CYFIP1: variants seen among roughly 807,000 people sequenced by gnomAD.
CYFIP1 encodes cytoplasmic FMR1-interacting protein 1.
In CYFIP1, 58 loss-of-function variants were observed where a neutral mutation model predicts 163.5. That is an observed-to-expected ratio of 0.35 (90% CI 0.29 to 0.44). The LOEUF (loss-of-function observed/expected upper bound fraction) is 0.44. Among genes scored for constraint, CYFIP1 ranks in the 20% least tolerant of loss-of-function variants. The pLI, the probability that CYFIP1 is intolerant of heterozygous loss-of-function variation, is 1.00. For synonymous variants in CYFIP1, 663 were observed against 660.7 expected, an observed-to-expected ratio of 1.00 and a Z score of -0.05; for missense variants, 1,338 against 1,653.8, an observed-to-expected ratio of 0.81 and a Z score of 3.31.
intron 3 of CYFIP1, chr15:22,946,658 A>G (rs1595679216): frequency 1.0e-5 from 4 of 396,240 alleles, no homozygotes; most frequent in South Asian, 8.3e-5. Context: ...AAGCAGAACT[A>G]TAATAACAAT....
At position 22,889,064 on chromosome 15, in the gene CYFIP1, C is replaced by CA. The variant is rs1566932039; in HGVS notation, c.2676+3825dup. On this transcript the variant is annotated intron_variant, in intron 23 of 30. Coordinates refer to ENST00000617928, the MANE Select transcript of CYFIP1 (RefSeq NM_014608.6). ...AAAAAAAAAAAACACACAAAAAAAA[C>CA]AAAAAACAAAAAGAAAAACCATGTA... 3.4e-5 allele frequency among the ~76,000 whole-genome samples: 5 copies of CA among 148,614 alleles called. No individual in the cohort carries two copies. In the Middle Eastern group the frequency reaches 0.018, roughly 523 times the overall value.
chr15:22,874,712 A>G, intron 27 of CYFIP1, 68 bp from the exon 28 acceptor site: 1 of 1,101,924 alleles, frequency 9.1e-7, no homozygotes, highest in Non-Finnish European at 1.2e-6. Flanking sequence ...AAAGGTTTAC[A>G]TTTGTTTAAA....
intron 1 of CYFIP1, among the ~76,000 whole-genome samples, chr15:22,952,659 CAA>C (rs3083512): frequency 2.2e-5 from 1 of 45,672 alleles, no homozygotes; most frequent in Non-Finnish European, 3.5e-5. Context: ...GACTCCATCT[CAA>C]AAAAAAAAAA....
chr15:22,879,869 G>C (rs1265484135), intron 26 of CYFIP1, 44 bp downstream of exon 26: 1 of 1,456,432 alleles, frequency 6.9e-7, no homozygotes, highest in Admixed American at 2.0e-5. Context: ...GGGTGGGGTG[G>C]GGTGGGCTGG....
intron 22 of CYFIP1, among the ~76,000 whole-genome samples, chr15:22,900,286 G>C (rs1389145343): frequency 6.6e-6 from 1 of 152,086 alleles, no homozygotes; most frequent in South Asian, 2.1e-4. Context: ...CCAGAACTGA[G>C]GTCACCGCCA....
At chr15:22,945,017 G>C in intron 3 of CYFIP1, 78 bp from the exon 4 acceptor site, 1 of 1,310,376 alleles carries the variant, frequency 7.6e-7, no homozygotes, top group Non-Finnish European at 1.1e-6. Flanking sequence ...CTAAAATCCA[G>C]ACAAAGCGCC....
At position 22,914,809 on chromosome 15, in the gene CYFIP1, C is replaced by T. The variant is rs1378965567; in HGVS notation, c.1902G>A (p.Arg634=). 4 of 1,613,776 alleles carry T rather than the reference C, an allele frequency of 2.5e-6. No homozygotes were observed. The African/African-American group carries it at 5.3e-5, about 22-fold the overall frequency. Residue 634 remains arginine, a synonymous_variant, in exon 17 of 31, where the codon AGG becomes AGA. Coordinates refer to ENST00000617928, the MANE Select transcript of CYFIP1 (RefSeq NM_014608.6). ...ACATCTCAATGGGGAACTGGATCCTCCTGCCCATGGTCAGCTCCAGGAAGA... is the reference window on the plus strand; with the variant it reads ...ACATCTCAATGGGGAACTGGATCCTTCTGCCCATGGTCAGCTCCAGGAAGA... ...REFFLELTMG[R]RIQFPIEMSM...
At chr15:22,935,998 G>A (rs2061699553) in intron 9 of CYFIP1, among the ~76,000 whole-genome samples, 1 of 152,192 alleles carries the variant, frequency 6.6e-6, no homozygotes, top group South Asian at 2.1e-4. Flanking sequence ...AAGGCCAGGT[G>A]CAGTGGCTCA....
At chr15:22,943,098 AC>A in intron 6 of CYFIP1, 74 bp downstream of exon 6, 1 of 1,431,252 alleles carries the variant, frequency 7.0e-7, no homozygotes, top group Non-Finnish European at 9.6e-7. Context: ...AAAGACGCAC[AC>A]CTGCTGTGCA....
intron 18 of CYFIP1, among the ~76,000 whole-genome samples, 153 bp from the exon 19 acceptor site, chr15:22,910,966 G>A (rs1410689651): frequency 1.3e-5 from 2 of 151,982 alleles, no homozygotes; most frequent in African/African-American, 4.8e-5. Flanking sequence ...CTGGAGCGCA[G>A]TAGTGCGATC....
At chr15:22,894,278 C>CTTTTTTTTTT in intron 22 of CYFIP1, among the ~76,000 whole-genome samples, 1 of 65,456 alleles carries the variant, frequency 1.5e-5, no homozygotes. Context: ...GCAGACTTTT[C>CTTTTTTTTTT]TTTTTTTTTT....
chr15:22,955,952 T>A (rs1369851733), intron 1 of CYFIP1, among the ~76,000 whole-genome samples: 2 of 152,148 alleles, frequency 1.3e-5, no homozygotes, highest in Non-Finnish European at 2.9e-5. Context: ...GCACAGTGGC[T>A]CACTTCTCTA....
chr15:22,911,083 C>T (rs2060772756), intron 18 of CYFIP1, among the ~76,000 whole-genome samples: 1 of 151,706 alleles, frequency 6.6e-6, no homozygotes, highest in South Asian at 2.1e-4. Context: ...GGCACGTGCC[C>T]GTGGTCCTGG....
intron 1 of CYFIP1, among the ~76,000 whole-genome samples, chr15:22,971,033 G>A (rs879638360): frequency 7.2e-5 from 11 of 151,950 alleles, no homozygotes; most frequent in Admixed American, 2.6e-4. Flanking sequence ...CCGAGATTGC[G>A]CCACCGCACT....
Position 22,917,722 on chromosome 15 carries a change from C to T in CYFIP1, c.1674+66G>A, listed in dbSNP as rs2061035719. ...TTTAACCCGGGCCTCACCAGCCCCA[C>T]CCGCTCACAGCTCAGGGTGGGTCCC... On this transcript the variant is annotated intron_variant, in intron 15 of 30. Transcript: ENST00000617928. The surrounding 1 kb of genome is among the most constrained non-coding windows in gnomAD (Gnocchi z 4.2). 2 of 1,504,598 alleles carry T rather than the reference C, an allele frequency of 1.3e-6. No individual in the cohort carries two copies. Among genetic ancestry groups the T allele is most frequent in the Admixed American group, 2.2e-5 (1 of 44,716 alleles). The allele number at this position is 1,504,598 out of a possible 1,614,324, so 93.2% of individuals were successfully genotyped here.
chr15:22,969,506 A>T (rs1370146999), intron 1 of CYFIP1, among the ~76,000 whole-genome samples: 1 of 152,158 alleles, frequency 6.6e-6, no homozygotes. Flanking sequence ...AATTCATACA[A>T]ATGCAAATCT....
intron 1 of CYFIP1, among the ~76,000 whole-genome samples, chr15:22,957,133 C>T (rs944986112): frequency 1.8e-4 from 28 of 152,358 alleles, no homozygotes; most frequent in East Asian, 1.5e-3. Flanking sequence ...CACTGCAGCC[C>T]GCACTGAGAC....
In CYFIP1 at chr15:22,903,938, G is replaced by A. The variant is rs758167250; in HGVS notation, c.2389-33C>T. 21 of 1,602,974 alleles carry A rather than the reference G, an allele frequency of 1.3e-5. No individual in the cohort carries two copies. In the Admixed American group the frequency reaches 2.0e-4, roughly 16 times the overall value. ...ACCAAAGACAGGGGTGGGTGACAGAGCTGGTCCAGGCAGGAAGGAGGCGCC... is the reference window on the plus strand; with the variant it reads ...ACCAAAGACAGGGGTGGGTGACAGAACTGGTCCAGGCAGGAAGGAGGCGCC... On this transcript the variant is annotated intron_variant, in intron 21 of 30. Coordinates refer to ENST00000617928, the MANE Select transcript of CYFIP1 (RefSeq NM_014608.6).
intron 1 of CYFIP1, among the ~76,000 whole-genome samples, chr15:22,949,251 C>T (rs1027695237): frequency 3.7e-5 from 5 of 136,330 alleles, no homozygotes; most frequent in Admixed American, 1.5e-4. Flanking sequence ...GGCCGGAGGG[C>T]GGGCACAATG....
Sources: allele counts gnomAD v4.1 joint callset (sites outside exome capture counted in the v4.1 genomes callset), GRCh38; gene constraint gnomAD v4.1.1; non-coding constraint Gnocchi (gnomAD v3.1); transcripts MANE v1.5; gene names NCBI Gene and HGNC (gene_info 2026-07-23, HGNC 2026-07-21).